The following CAD variants were observed in gnomAD, a reference collection of about 807,000 sequenced individuals.
The protein encoded by CAD is carbamoyl-phosphate synthetase 2, aspartate transcarbamylase, and dihydroorotase.
A neutral mutation model predicts 237.2 loss-of-function variants in CAD; 81 were observed. That is an observed-to-expected ratio of 0.34 (90% confidence interval 0.29 to 0.41). The LOEUF is 0.41. CAD is among the 10% of genes least tolerant of loss of function. The pLI is 1.00. For synonymous variants in CAD, 1,196 were observed against 1,162.8 expected, an observed-to-expected ratio of 1.03 and a Z score of -0.58; for missense variants, 2,181 against 2,951.7, an observed-to-expected ratio of 0.74 and a Z score of 6.05.
Position 27,217,561 on chromosome 2 carries a change from C to T in CAD, c.10C>T (p.Leu4=), listed in dbSNP as rs754139663. ...TCTGAGCTCCCTTCCCATGGCGGCC[C>T]TAGTGTTGGAGGACGGGTCGGTCCT... MAA[L]VLEDGSVLRG... The change falls in exon 1 of 44, where the codon CTA becomes TTA. Residue 4 remains leucine, a synonymous_variant. Coordinates refer to ENST00000264705, the MANE Select transcript of CAD (RefSeq NM_004341.5). 1 of 1,606,718 alleles carries T rather than the reference C, an allele frequency of 6.2e-7. No individual in the cohort carries two copies. The highest frequency in any genetic ancestry group is 1.1e-5 in the South Asian group (1 of 89,498).
chr2:27,239,469 C>A lies in CAD; in HGVS notation c.5392C>A (p.Gln1798Lys), dbSNP rs138840581. The change falls in exon 33 of 44, where the codon CAG (glutamine) becomes AAG (lysine). Residue 1798 changes from glutamine to lysine, a missense_variant and splice_region_variant. Transcript: ENST00000264705. This position sits in a 1 kb window ranked among gnomAD's most constrained non-coding sequence, Gnocchi z 4.0. ...LRGEVAYIDG[Q>K]VLVPPGYGQD... ...AGGGGAGGTTGCCTATATCGATGGG[C>A]AGGTACGCAAGTAGCCCCTGCCTGA... The A allele has an allele frequency of 7.7e-4, 1,245 of 1,613,372 alleles. No homozygotes were observed. Among genetic ancestry groups the A allele is most frequent in the Middle Eastern group, 2.8e-3 (16 of 5,722 alleles).
chr2:27,225,992 C>T, intron 12 of CAD, 66 bp downstream of exon 12: 1 of 1,539,090 alleles, frequency 6.5e-7, no homozygotes, highest in Middle Eastern at 1.7e-4. Flanking sequence ...AGCAGAGGCC[C>T]AGGCCAAGGT....
chr2:27,231,925 C>G, intron 16 of CAD, 55 bp from the exon 17 acceptor site: 1 of 1,607,964 alleles, frequency 6.2e-7, no homozygotes, highest in South Asian at 1.1e-5. Context: ...TACTTACGCT[C>G]AGGCTTTTAG....
At chr2:27,225,583 G>T (rs1254785480) in intron 11 of CAD, 122 bp from the exon 12 acceptor site, 2 of 784,046 alleles carry the variant, frequency 2.6e-6, no homozygotes, top group East Asian at 2.5e-5. Flanking sequence ...AATTGCTGGG[G>T]TTACAGGCGT....
At position 27,236,560 on chromosome 2, in the gene CAD, G is replaced by C; in HGVS notation, c.4314+37G>C. 1 of 1,605,098 alleles carries C rather than the reference G, an allele frequency of 6.2e-7. No individual in the cohort carries two copies. Among genetic ancestry groups the C allele is most frequent in the Non-Finnish European group, 8.5e-7 (1 of 1,177,774 alleles). Reference sequence around the variant, plus strand: ...CCATGTGCTGGGAGGGAGACTGCCAGTGTTGATGGGAAGAAGAAAGAGGGA... The same window carrying C: ...CCATGTGCTGGGAGGGAGACTGCCACTGTTGATGGGAAGAAGAAAGAGGGA... On this transcript the variant is annotated intron_variant, in intron 26 of 43. Coordinates refer to ENST00000264705, the MANE Select transcript of CAD (RefSeq NM_004341.5). This position sits in a 1 kb window ranked among gnomAD's most constrained non-coding sequence, Gnocchi z 4.1.
rs1674914270 is a variant in CAD, at chr2:27,217,408, C to A, written c.-144C>A. 5.4e-6 allele frequency: 4 copies of A among 747,660 alleles called. No individual in the cohort carries two copies. In the Admixed American group the frequency reaches 6.4e-5, roughly 12 times the overall value. The allele number at this position is 747,660 out of a possible 1,614,324, so 46.3% of individuals were successfully genotyped here. A position where few individuals can be genotyped will look rare whatever the true frequency, so the allele number is the denominator to read the frequency against. Reference sequence around the variant, plus strand: ...CCGCCAAGCGCGCCCGAGGCTCCTACGCTGCCGCGCCCGGCTTCTCTCCAG... The same window carrying A: ...CCGCCAAGCGCGCCCGAGGCTCCTAAGCTGCCGCGCCCGGCTTCTCTCCAG... On this transcript the variant is annotated 5_prime_UTR_variant, in exon 1 of 44. Coordinates refer to ENST00000264705, the MANE Select transcript of CAD (RefSeq NM_004341.5).
rs1676346986 is a variant in CAD at position 27,242,086 on chromosome 2, T to A, written c.6059T>A (p.Val2020Asp). The A allele has an allele frequency of 6.2e-7, 1 of 1,613,020 alleles. No homozygotes were observed. The change falls in exon 39 of 44, where the codon GTC (valine) becomes GAC (aspartate). Residue 2020 changes from valine (V) to aspartate (D), a missense_variant. By Grantham distance (152) the Val-to-Asp change is radical. Around this residue, in one of 12 missense-constraint regions of CAD, gnomAD observed 203 missense variants for 284.5 expected, o/e 0.71. Coordinates refer to ENST00000264705, the MANE Select transcript of CAD (RefSeq NM_004341.5). The surrounding 1 kb of genome is among the most constrained non-coding windows in gnomAD (Gnocchi z 6.4). ...CAGACCATGAGCTGCTATGCCGACG[T>A]CGTCGTGCTCCGGCACCCCCAGCCT... ...SVQTMSCYAD[V>D]VVLRHPQPGA...
intron 14 of CAD, 73 bp downstream of exon 14, chr2:27,226,722 A>G (rs1675458651): frequency 3.1e-6 from 5 of 1,605,072 alleles, no homozygotes; most frequent in Non-Finnish European, 4.3e-6. Context: ...GGGACAGGGA[A>G]TATGAAAAGG....
At chr2:27,234,444 G>A in intron 22 of CAD, 74 bp from the exon 23 acceptor site, 1 of 1,444,040 alleles carries the variant, frequency 6.9e-7, no homozygotes, top group Non-Finnish European at 9.6e-7. Context: ...AGGACGGAGA[G>A]GAAGAGTCTA....
Position 27,238,461 on chromosome 2 carries a change from G to T in CAD, c.4891G>T (p.Gly1631Cys). ...ILLIKAAKAR[G>C]LPVTCEVAPH... ...GCTAATTAAAGCTGCAAAGGCACGG[G>T]GCTTGCCAGTGACCTGCGAGGTGGC... is the stretch of plus-strand genomic sequence containing the variant. The change falls in exon 31 of 44, where the codon GGC (glycine) becomes TGC (cysteine). Residue 1631 changes from glycine (G) to cysteine (C), a missense_variant. Transcript: ENST00000264705. The T allele has an allele frequency of 6.2e-7, 1 of 1,601,150 alleles. No homozygotes were observed. Among genetic ancestry groups the T allele is most frequent in the African/African-American group, 1.3e-5 (1 of 74,664 alleles).
chr2:27,236,304 C>G lies in CAD; in HGVS notation c.4095C>G (p.His1365Gln). 1 of 1,614,052 alleles carries G rather than the reference C, an allele frequency of 6.2e-7. No homozygotes were observed. The highest frequency in any genetic ancestry group is 1.7e-4 in the Middle Eastern group (1 of 5,990). The change falls in exon 26 of 44, where the codon CAC becomes CAG. Residue 1365 changes from histidine to glutamine, a missense_variant. This residue lies in a region of CAD where 306 missense variants were observed against 607.9 expected (regional missense o/e 0.50). Coordinates refer to ENST00000264705, the MANE Select transcript of CAD (RefSeq NM_004341.5). The surrounding 1 kb of genome is among the most constrained non-coding windows in gnomAD (Gnocchi z 4.1). ...GGCAGGTAACAGCTGTGGACTGGCACTTTGAGGAGGCTGTGGATGGTGAGT... is the reference window on the plus strand; with the variant it reads ...GGCAGGTAACAGCTGTGGACTGGCAGTTTGAGGAGGCTGTGGATGGTGAGT... The part of the protein sequence containing the change: ...HGVKVTAVDW[H>Q]FEEAVDGECP...
intron 23 of CAD, 108 bp downstream of exon 23, chr2:27,234,793 C>G: frequency 9.3e-7 from 1 of 1,070,958 alleles, no homozygotes; most frequent in Non-Finnish European, 1.4e-6. Context: ...CAAGGCATTG[C>G]CGGATCGTGG....
At position 27,226,524 on chromosome 2, in the gene CAD, G is replaced by T; in HGVS notation, c.2032-1G>T. Reference sequence around the variant, plus strand: ...AGTGACTTTATTCTCCTTCTTTGCAGTATTACATCATTGAAGTGAATGCCA... The same window carrying T: ...AGTGACTTTATTCTCCTTCTTTGCATTATTACATCATTGAAGTGAATGCCA... On this transcript the variant is annotated splice_acceptor_variant, in intron 13 of 43. Coordinates refer to ENST00000264705, the MANE Select transcript of CAD (RefSeq NM_004341.5). LOFTEE classifies it high-confidence loss of function. The T allele has an allele frequency of 6.2e-7, 1 of 1,614,120 alleles. No homozygotes were observed. Among genetic ancestry groups the T allele is most frequent in the Non-Finnish European group, 8.5e-7 (1 of 1,180,000 alleles).
At chr2:27,229,662 G>C (rs192563512) in intron 15 of CAD, among the ~76,000 whole-genome samples, 1 of 152,102 alleles carries the variant, frequency 6.6e-6, no homozygotes, top group East Asian at 1.9e-4. Flanking sequence ...CATATCATGA[G>C]GTCAGGAGTT....
At chr2:27,224,218 T>G in intron 8 of CAD, 127 bp from the exon 9 acceptor site, 5 of 1,080,188 alleles carry the variant, frequency 4.6e-6, no homozygotes, top group Non-Finnish European at 6.8e-6. Context: ...TGGGTTCTGG[T>G]CCTCCCTCTG....
Position 27,241,886 on chromosome 2 carries a change from A to G in CAD, c.5884-25A>G, listed in dbSNP as rs1461052622. The G allele has an allele frequency of 1.3e-6, 2 of 1,598,804 alleles. No homozygotes were observed. Among genetic ancestry groups the G allele is most frequent in the South Asian group, 1.1e-5 (1 of 90,666 alleles). ...CCCCAGGGTGGACACGCATACGTAC[A>G]CCTTCCATCTTGCTCTTTCCCTAGG... is the stretch of plus-strand genomic sequence containing the variant. On this transcript the variant is annotated intron_variant, in intron 38 of 43. Coordinates refer to ENST00000264705, the MANE Select transcript of CAD (RefSeq NM_004341.5). This position sits in a 1 kb window ranked among gnomAD's most constrained non-coding sequence, Gnocchi z 4.6.
At position 27,233,009 on chromosome 2, in the gene CAD, G is replaced by T. The variant is rs1558537411; in HGVS notation, c.2893-33G>T. The T allele has an allele frequency of 7.1e-7, 1 of 1,401,390 alleles. No individual in the cohort carries two copies. Among genetic ancestry groups the T allele is most frequent in the South Asian group, 1.2e-5 (1 of 86,440 alleles). 86.8% of individuals were successfully genotyped at this position (1,401,390 alleles called of 1,614,324 possible). A position where few individuals can be genotyped will look rare whatever the true frequency, so the allele number is the denominator to read the frequency against. On this transcript the variant is annotated intron_variant, in intron 18 of 43. Coordinates refer to ENST00000264705, the MANE Select transcript of CAD (RefSeq NM_004341.5). This position sits in a 1 kb window ranked among gnomAD's most constrained non-coding sequence, Gnocchi z 6.3. ...TTTCTCCACGATTTTCCTCCCACCT[G>T]ACTGCTAAGTACCCTTCCCCTCCCT...
Position 27,222,343 on chromosome 2 carries a change from A to T in CAD, c.495+7A>T, listed in dbSNP as rs369739874. The T allele has an allele frequency of 6.8e-4, 1,088 of 1,606,128 alleles. 3 individuals carry two copies. The highest frequency in any genetic ancestry group is 5.6e-4 in the Non-Finnish European group (660 of 1,173,620). ...ACCAGAGGTCTCCATTAAGGTACAGAGGTAGAGTGGGAGAGTGTTGCAAGC... is the reference window on the plus strand; with the variant it reads ...ACCAGAGGTCTCCATTAAGGTACAGTGGTAGAGTGGGAGAGTGTTGCAAGC... On this transcript the variant is annotated splice_region_variant and intron_variant, in intron 4 of 43. Coordinates refer to ENST00000264705, the MANE Select transcript of CAD (RefSeq NM_004341.5).
intron 8 of CAD, 76 bp downstream of exon 8, chr2:27,224,105 C>T: frequency 9.0e-7 from 1 of 1,105,744 alleles, no homozygotes; most frequent in Non-Finnish European, 1.4e-6. Context: ...GTGGACATGC[C>T]CTGGGCAACT....
Sources: gnomAD v4.1 joint callset for allele counts (sites outside exome capture counted in the v4.1 genomes callset) on GRCh38, gnomAD v4.1.1 for gene constraint, gnomAD v4.1.1 regional missense constraint, Gnocchi (gnomAD v3.1) non-coding constraint, MANE v1.5 for transcripts, NCBI Gene and HGNC (gene_info 2026-07-23, HGNC 2026-07-21) for gene names.